The following SEMA3C variants were observed in gnomAD, a reference collection of about 807,000 sequenced individuals.
SEMA3C encodes the protein semaphorin-3C.
In SEMA3C, 47 loss-of-function variants were observed where a neutral mutation model predicts 89.4. That is an observed-to-expected ratio of 0.53 (90% confidence interval 0.42 to 0.67). The LOEUF (loss-of-function observed/expected upper bound fraction) is 0.67, where lower values mean the gene tolerates loss of function less well. SEMA3C is among the 30% of genes least tolerant of loss of function. The pLI, the probability that SEMA3C is intolerant of heterozygous loss-of-function variation, is 0.00. For synonymous variants in SEMA3C, 310 were observed against 320.2 expected (o/e 0.97, Z 0.34); for missense variants, 839 against 929.1 (o/e 0.90, Z 1.26).
At chr7:80,873,920 ATGT>A (rs1049862752) in intron 2 of SEMA3C, among the ~76,000 whole-genome samples, 1 of 152,018 alleles carries the variant, frequency 6.6e-6, no homozygotes, top group Admixed American at 6.6e-5. Flanking sequence ...ATTAGGAGTT[ATGT>A]TGTTGTTCCT....
chr7:80,896,356 T>C (rs942205602), intron 2 of SEMA3C, among the ~76,000 whole-genome samples: 7 of 152,200 alleles, frequency 4.6e-5, no homozygotes, highest in African/African-American at 1.7e-4. Flanking sequence ...TGCCCTCTAG[T>C]TGCTCCAACT....
chr7:80,915,396 G>T (rs1030523001), intron 2 of SEMA3C, among the ~76,000 whole-genome samples: 1 of 152,092 alleles, frequency 6.6e-6, no homozygotes, highest in Non-Finnish European at 1.5e-5. Flanking sequence ...GACAACCTTG[G>T]GGAAAGCACT....
At chr7:80,807,506 T>C (rs1194288756) in intron 6 of SEMA3C, among the ~76,000 whole-genome samples, 1 of 152,220 alleles carries the variant, frequency 6.6e-6, no homozygotes, top group Non-Finnish European at 1.5e-5. Context: ...AATGTCACTT[T>C]GGTAACAATC....
chr7:80,761,362 A>G (rs1008947041), intron 14 of SEMA3C, among the ~76,000 whole-genome samples: 3 of 152,176 alleles, frequency 2.0e-5, no homozygotes, highest in African/African-American at 4.8e-5. Flanking sequence ...AATCAGATAT[A>G]CAAAATGTTG....
intron 2 of SEMA3C, among the ~76,000 whole-genome samples, chr7:80,837,395 C>T (rs574627970): frequency 9.7e-4 from 148 of 152,162 alleles, no homozygotes; most frequent in African/African-American, 2.6e-3. Flanking sequence ...TAGAGTGATG[C>T]GAAAATAATA....
At chr7:80,778,843 G>A (rs1350893013) in intron 12 of SEMA3C, among the ~76,000 whole-genome samples, 1 of 152,114 alleles carries the variant, frequency 6.6e-6, no homozygotes, top group Non-Finnish European at 1.5e-5. Context: ...TTGTTCTCAA[G>A]GCCACCACAA....
At chr7:80,874,159 C>G (rs1170449293) in intron 2 of SEMA3C, among the ~76,000 whole-genome samples, 1 of 152,152 alleles carries the variant, frequency 6.6e-6, no homozygotes, top group East Asian at 1.9e-4. Context: ...ATCCATTAGA[C>G]TGTAAATTCC....
In SEMA3C at chr7:80,837,700, T is replaced by A. The variant is rs187053651; in HGVS notation, c.104-8955A>T. 3.9e-5 allele frequency among the ~76,000 whole-genome samples: 6 copies of A among 152,344 alleles called. No individual in the cohort carries two copies. The East Asian group carries it at 1.2e-3, about 29-fold the overall frequency. On this transcript the variant is annotated intron_variant, in intron 2 of 17. Coordinates refer to ENST00000265361, the MANE Select transcript of SEMA3C (RefSeq NM_006379.5). ...CCTGCCTTTTTCTAATTCCTACTTA[T>A]AATGTGACCAATAGTTTTGATGTAA...
rs75678916 is a variant in SEMA3C, at chr7:80,755,004, T to C, written c.1643+3327A>G. ...TAGTAGAGATGGGGTTTTGCCATGT[T>C]GGCTAGGCTGGTCTTAAACTCCTGA... On this transcript the variant is annotated intron_variant, in intron 15 of 17. Coordinates refer to ENST00000265361, the MANE Select transcript of SEMA3C (RefSeq NM_006379.5). Among the ~76,000 whole-genome samples the C allele has an allele frequency of 0.015, 1,965 of 133,248 alleles. 110 individuals carry two copies. The East Asian group carries it at 0.21, about 14-fold the overall frequency. 87.4% of individuals were successfully genotyped at this position (133,248 alleles called of 152,430 possible). A position where few individuals can be genotyped will look rare whatever the true frequency, so the allele number is the denominator to read the frequency against.
chr7:80,869,410 T>A (rs1254218036), intron 2 of SEMA3C, among the ~76,000 whole-genome samples: 1 of 152,166 alleles, frequency 6.6e-6, no homozygotes, highest in Non-Finnish European at 1.5e-5. Flanking sequence ...TGTGTGCCCT[T>A]TAATATTTAT....
chr7:80,793,576 C>A, intron 11 of SEMA3C: 1 of 400,130 alleles, frequency 2.5e-6, no homozygotes, highest in East Asian at 7.5e-5. Context: ...GTAAGATAAA[C>A]AATCAATTTT....
At position 80,873,452 on chromosome 7, in the gene SEMA3C, GA is replaced by G. The variant is rs1323482849; in HGVS notation, c.103+43226del. Among the ~76,000 whole-genome samples, 4 of 152,280 alleles carry G rather than the reference GA, an allele frequency of 2.6e-5. No homozygotes were observed. The East Asian group carries it at 7.7e-4, about 29-fold the overall frequency. On this transcript the variant is annotated intron_variant, in intron 2 of 17. Transcript: ENST00000265361. ...ATACTTGAGTCAATTTTTAAGTGGA[GA>G]CTTTGCCTAAAAATCTGGATTTCTG...
intron 2 of SEMA3C, among the ~76,000 whole-genome samples, chr7:80,874,447 GTTAT>G (rs56316322): frequency 0.019 from 2,733 of 146,592 alleles, 41 homozygotes; most frequent in African/African-American, 0.043. Flanking sequence ...ACCATAGCAA[GTTAT>G]TTATTTATTT....
chr7:80,869,755 T>C (rs958446946), intron 2 of SEMA3C, among the ~76,000 whole-genome samples: 3 of 152,144 alleles, frequency 2.0e-5, no homozygotes, highest in African/African-American at 7.2e-5. Flanking sequence ...ATTTTTCTAG[T>C]TTCTGGGGTT....
At chr7:80,868,099 T>C (rs2116032149) in intron 2 of SEMA3C, among the ~76,000 whole-genome samples, 1 of 152,306 alleles carries the variant, frequency 6.6e-6, no homozygotes, top group South Asian at 2.1e-4. Flanking sequence ...AAGCTACACA[T>C]GTCAGTGGGC....
intron 5 of SEMA3C, among the ~76,000 whole-genome samples, chr7:80,813,642 T>C (rs534678575): frequency 6.6e-6 from 1 of 152,354 alleles, no homozygotes; most frequent in Non-Finnish European, 1.5e-5. Context: ...GATTTCATCT[T>C]ATCTCGTCTT....
intron 12 of SEMA3C, among the ~76,000 whole-genome samples, chr7:80,771,295 C>T (rs1788426642): frequency 6.6e-6 from 1 of 152,220 alleles, no homozygotes; most frequent in Non-Finnish European, 1.5e-5. Context: ...AATAGAGATA[C>T]TCTAAATACA....
intron 2 of SEMA3C, among the ~76,000 whole-genome samples, chr7:80,893,680 G>T (rs1791668708): frequency 6.6e-6 from 1 of 152,046 alleles, no homozygotes; most frequent in Non-Finnish European, 1.5e-5. Flanking sequence ...AGGCTTGGGT[G>T]GAGGGGTCAT....
At chr7:80,859,770 C>T (rs1049902326) in intron 2 of SEMA3C, among the ~76,000 whole-genome samples, 2 of 152,064 alleles carry the variant, frequency 1.3e-5, no homozygotes, top group Non-Finnish European at 2.9e-5. Flanking sequence ...AGGCAAGCCA[C>T]GAGGCCTTAT....
Sources: gnomAD v4.1 joint callset for allele counts (sites outside exome capture counted in the v4.1 genomes callset) on GRCh38, gnomAD v4.1.1 for gene constraint, MANE v1.5 for transcripts, NCBI Gene and HGNC (gene_info 2026-07-23, HGNC 2026-07-21) for gene names.